Variants in ZDHHC21 observed in about 807,000 individuals in gnomAD.
The protein encoded by ZDHHC21 is palmitoyltransferase ZDHHC21.
A neutral mutation model predicts 34.6 loss-of-function variants in ZDHHC21; 15 were observed. That is an observed-to-expected ratio of 0.43 (90% CI 0.29 to 0.67). ZDHHC21 has a LOEUF of 0.67. Ranked by LOEUF, ZDHHC21 falls within the 30% of genes least tolerant of loss-of-function variation. The pLI is 0.14. For missense variants in ZDHHC21, 344 were observed against 327.7 expected (o/e 1.05, Z -0.38); for synonymous variants, 142 against 101.8 (o/e 1.40, Z -2.38).
the ZDHHC21 span, among the ~76,000 whole-genome samples, chr9:14,593,384 G>A: frequency 6.6e-6 from 1 of 152,160 alleles, no homozygotes; most frequent in Admixed American, 6.5e-5. Flanking sequence ...CAACATATTA[G>A]ATAACGTGAA....
At chr9:14,673,485 T>C (rs1835836892) in intron 4 of ZDHHC21, among the ~76,000 whole-genome samples, 1 of 151,652 alleles carries the variant, frequency 6.6e-6, no homozygotes, top group Non-Finnish European at 1.5e-5. Context: ...ACCATAATTC[T>C]ACATTTTTAA....
chr9:14,682,538 A>C (rs1028613157), intron 2 of ZDHHC21, among the ~76,000 whole-genome samples: 2 of 152,226 alleles, frequency 1.3e-5, no homozygotes, highest in African/African-American at 4.8e-5. Context: ...AGATTCATAA[A>C]GCAAGTCCTT....
At chr9:14,686,344 A>G (rs756480448) in intron 2 of ZDHHC21, among the ~76,000 whole-genome samples, 1 of 152,200 alleles carries the variant, frequency 6.6e-6, no homozygotes, top group Non-Finnish European at 1.5e-5. Context: ...ATGGCTCCCA[A>G]GTTTCACACT....
chr9:14,620,114 G>A (rs942772448), intron 8 of ZDHHC21, among the ~76,000 whole-genome samples: 1 of 151,874 alleles, frequency 6.6e-6, no homozygotes, highest in Non-Finnish European at 1.5e-5. Flanking sequence ...ACTGGTTCTG[G>A]GTTTCTGTAA....
At chr9:14,654,409 G>C (rs1203786547) in intron 7 of ZDHHC21, among the ~76,000 whole-genome samples, 1 of 147,296 alleles carries the variant, frequency 6.8e-6, no homozygotes, top group African/African-American at 2.5e-5. Flanking sequence ...AAAAAAAAGA[G>C]TAAATCAAAT....
At chr9:14,651,804 A>T (rs7869713) in intron 7 of ZDHHC21, among the ~76,000 whole-genome samples, 71 of 151,996 alleles carry the variant, frequency 4.7e-4, no homozygotes, top group Non-Finnish European at 9.1e-4. Flanking sequence ...TCTGCTTATA[A>T]GCATTTAAAG....
chr9:14,603,641 C>T, the ZDHHC21 span, among the ~76,000 whole-genome samples: 4 of 152,140 alleles, frequency 2.6e-5, no homozygotes, highest in Non-Finnish European at 5.9e-5. Flanking sequence ...AATTACTGAG[C>T]TAATCTTGAT....
At chr9:14,639,812 T>C (rs1157110105) in intron 8 of ZDHHC21, 84 bp downstream of exon 8, 2 of 790,938 alleles carry the variant, frequency 2.5e-6, no homozygotes, top group African/African-American at 1.8e-5. Flanking sequence ...CTTTGATTTC[T>C]AAACTTCCTA....
At chr9:14,601,654 C>A in the ZDHHC21 span, among the ~76,000 whole-genome samples, 40 of 152,146 alleles carry the variant, frequency 2.6e-4, no homozygotes, top group African/African-American at 8.7e-4. Context: ...GGGTATATAC[C>A]CAAAGGATTA....
rs138131281 is a variant in ZDHHC21, at chr9:14,654,772, A to C, written c.504+3977T>G. Among the ~76,000 whole-genome samples the C allele has an allele frequency of 2.7e-3, 410 of 152,170 alleles. 3 individuals are homozygous for C. Among genetic ancestry groups the C allele is most frequent in the African/African-American group, 9.5e-3 (396 of 41,566 alleles). On this transcript the variant is annotated intron_variant, in intron 7 of 9. Transcript: ENST00000380916. ...GTTAGACATGGCAGAAGAGGTGATT[A>C]GTAAACCAGAGGATAAATTAATAGG...
chr9:14,627,066 T>C (rs1440386152), intron 8 of ZDHHC21, among the ~76,000 whole-genome samples: 4 of 152,124 alleles, frequency 2.6e-5, no homozygotes, highest in Non-Finnish European at 5.9e-5. Flanking sequence ...AACATAATTG[T>C]TATAAAGAGT....
chr9:14,640,136 C>G (rs974363643), intron 7 of ZDHHC21, 124 bp from the exon 8 acceptor site: 1 of 522,024 alleles, frequency 1.9e-6, no homozygotes, highest in Non-Finnish European at 3.4e-6. Flanking sequence ...CTACCTCTCC[C>G]TCTTTTATAC....
intron 7 of ZDHHC21, among the ~76,000 whole-genome samples, chr9:14,644,052 G>A (rs932601507): frequency 1.3e-5 from 2 of 152,072 alleles, no homozygotes; most frequent in African/African-American, 2.4e-5. Context: ...ATACATTCAC[G>A]TATAATATAT....
rs889294865 is a variant in ZDHHC21 at position 14,616,576 on chromosome 9, G to A, written c.*2390C>T. 6.6e-6 allele frequency: 1 copy of A among 151,690 alleles called. No individual in the cohort carries two copies. The highest frequency in any genetic ancestry group is 1.5e-5 in the Non-Finnish European group (1 of 67,784). 9.4% of individuals were successfully genotyped at this position (151,690 alleles called of 1,614,324 possible). On this transcript the variant is annotated 3_prime_UTR_variant, in exon 10 of 10. Transcript: ENST00000380916. ...TTACATCAATTAGCCAAAAGAGGGC[G>A]CAGAAACAACACCAGTAGATATGCT...
intron 8 of ZDHHC21, among the ~76,000 whole-genome samples, chr9:14,627,770 T>C (rs763753526): frequency 1.3e-5 from 2 of 152,176 alleles, no homozygotes; most frequent in Non-Finnish European, 2.9e-5. Flanking sequence ...CCAAGCCCAG[T>C]GACTGAGAAC....
intron 2 of ZDHHC21, among the ~76,000 whole-genome samples, chr9:14,687,315 T>C (rs548314812): frequency 1.3e-5 from 2 of 150,844 alleles, no homozygotes; most frequent in East Asian, 1.9e-4. Context: ...ATGAGATTCG[T>C]ATTTCAGTAC....
chr9:14,603,279 G>T, the ZDHHC21 span, among the ~76,000 whole-genome samples: 1 of 151,896 alleles, frequency 6.6e-6, no homozygotes, highest in African/African-American at 2.4e-5. Flanking sequence ...AGTATGATAG[G>T]AAATAAAAAC....
intron 8 of ZDHHC21, among the ~76,000 whole-genome samples, chr9:14,619,955 T>C (rs1351182073): frequency 1.3e-5 from 2 of 151,958 alleles, no homozygotes; most frequent in Non-Finnish European, 2.9e-5. Context: ...AATATAACCT[T>C]TTATTACACT....
intron 8 of ZDHHC21, among the ~76,000 whole-genome samples, chr9:14,626,604 T>C (rs944464379): frequency 1.3e-5 from 2 of 151,828 alleles, no homozygotes; most frequent in Non-Finnish European, 2.9e-5. Context: ...TGCTAAAGAG[T>C]AGCCCAATTC....
Sources: gnomAD v4.1 joint callset for allele counts (sites outside exome capture counted in the v4.1 genomes callset) on GRCh38, gnomAD v4.1.1 for gene constraint, MANE v1.5 for transcripts, NCBI Gene and HGNC (gene_info 2026-07-23, HGNC 2026-07-21) for gene names.